PRKG1: variants seen among roughly 807,000 people sequenced by gnomAD.
The protein encoded by PRKG1 is cGMP-dependent protein kinase 1.
PRKG1 carries 35 observed loss-of-function variants against 88.1 expected under a neutral mutation model. The observed-to-expected ratio is 0.40, with a 90% CI of 0.30 to 0.53. PRKG1 has a LOEUF of 0.53. PRKG1 is among the 20% of genes least tolerant of loss of function. The pLI is 0.59. For missense variants in PRKG1, 540 were observed against 839.8 expected (o/e 0.64, Z 4.41); for synonymous variants, 303 against 292.5 (o/e 1.04, Z -0.37).
At chr10:51,122,777 G>A (rs1845293840) in intron 1 of PRKG1, among the ~76,000 whole-genome samples, 1 of 152,146 alleles carries the variant, frequency 6.6e-6, no homozygotes, top group African/African-American at 2.4e-5. Flanking sequence ...CATCAATAAT[G>A]TCATAAACCA....
intron 1 of PRKG1, among the ~76,000 whole-genome samples, chr10:51,000,203 C>A (rs1458979690): frequency 6.6e-6 from 1 of 152,116 alleles, no homozygotes; most frequent in Non-Finnish European, 1.5e-5. Flanking sequence ...AATCAAAATT[C>A]ATGAATAATT....
chr10:51,893,690 C>A (rs1335453066), intron 4 of PRKG1, among the ~76,000 whole-genome samples: 1 of 152,152 alleles, frequency 6.6e-6, no homozygotes, highest in East Asian at 1.9e-4. Flanking sequence ...TGAGTGCTTA[C>A]CCTACAGCAG....
At chr10:51,485,961 T>A (rs556049195) in intron 3 of PRKG1, among the ~76,000 whole-genome samples, 371 of 152,216 alleles carry the variant, frequency 2.4e-3, no homozygotes, top group Non-Finnish European at 4.6e-3. Flanking sequence ...GAACAAGAAG[T>A]CTCTTTTCAT....
chr10:51,331,407 C>T (rs977900193), intron 2 of PRKG1, among the ~76,000 whole-genome samples: 2 of 152,098 alleles, frequency 1.3e-5, no homozygotes, highest in African/African-American at 2.4e-5. Flanking sequence ...GAGGCTCAGT[C>T]TGTGAGTACC....
intron 3 of PRKG1, among the ~76,000 whole-genome samples, chr10:51,571,540 G>C (rs1007048520): frequency 2.7e-5 from 4 of 150,660 alleles, no homozygotes; most frequent in African/African-American, 9.8e-5. Context: ...TGTTTCATGA[G>C]GGGGTGAGGC....
intron 1 of PRKG1, among the ~76,000 whole-genome samples, chr10:51,039,617 C>T (rs1441014360): frequency 1.3e-5 from 2 of 151,724 alleles, no homozygotes; most frequent in Non-Finnish European, 2.9e-5. Flanking sequence ...TTAACGTGTC[C>T]ATTTTTGCTT....
At chr10:51,089,360 C>G (rs184290302) in intron 1 of PRKG1, among the ~76,000 whole-genome samples, 1 of 152,112 alleles carries the variant, frequency 6.6e-6, no homozygotes, top group Admixed American at 6.6e-5. Flanking sequence ...AGCCAGAACA[C>G]GTACTAAGAA....
chr10:51,067,664 C>T (rs1206080968), intron 1 of PRKG1, among the ~76,000 whole-genome samples: 2 of 151,988 alleles, frequency 1.3e-5, no homozygotes, highest in Non-Finnish European at 2.9e-5. Context: ...CATAATGACT[C>T]TCTACATTAA....
At chr10:51,382,846 G>A (rs16917287) in intron 2 of PRKG1, among the ~76,000 whole-genome samples, 2,202 of 152,194 alleles carry the variant, frequency 0.014, 51 homozygotes, top group African/African-American at 0.051. Context: ...AGCTGCCAGT[G>A]GGTCTAGGGT....
intron 3 of PRKG1, chr10:51,696,710 G>A (rs1841302617): frequency 6.6e-6 from 1 of 151,698 alleles, no homozygotes; most frequent in Non-Finnish European, 1.5e-5. Flanking sequence ...GTTAACTCCT[G>A]TCTGGTTGAG....
Position 52,053,119 on chromosome 10 carries a change from T to A in PRKG1, c.763-1365T>A, listed in dbSNP as rs544166770. ...ATAATTATTTGTATTCATGTGTGTG[T>A]GCAGGATGGGTTGGTGGTTGTTAAA... On this transcript the variant is annotated intron_variant, in intron 5 of 17. Transcript: ENST00000373980. 5.9e-5 allele frequency among the ~76,000 whole-genome samples: 9 copies of A among 152,294 alleles called. No individual in the cohort carries two copies. The South Asian group carries it at 1.9e-3, about 32-fold the overall frequency.
intron 2 of PRKG1, among the ~76,000 whole-genome samples, chr10:51,387,481 C>A (rs1462832627): frequency 6.6e-6 from 1 of 151,928 alleles, no homozygotes. Flanking sequence ...TCCTTGCAGT[C>A]CATCACACCT....
intron 3 of PRKG1, among the ~76,000 whole-genome samples, chr10:51,745,504 ATACAT>A (rs1325806796): frequency 6.6e-6 from 1 of 152,162 alleles, no homozygotes; most frequent in African/African-American, 2.4e-5. Context: ...GCATTTTTAG[ATACAT>A]TAAATTATCT....
chr10:51,840,608 G>A (rs189268652), intron 4 of PRKG1, among the ~76,000 whole-genome samples: 24 of 151,436 alleles, frequency 1.6e-4, no homozygotes, highest in Admixed American at 3.3e-4. Context: ...GTGCAGTGGC[G>A]CGACCTCAGC....
At chr10:51,857,864 C>G (rs988234860) in intron 4 of PRKG1, among the ~76,000 whole-genome samples, 2 of 150,912 alleles carry the variant, frequency 1.3e-5, no homozygotes, top group Non-Finnish European at 2.9e-5. Flanking sequence ...AAGCACTGTT[C>G]CCCCACCCTG....
At chr10:51,832,640 A>C (rs145981459) in intron 4 of PRKG1, among the ~76,000 whole-genome samples, 1 of 152,338 alleles carries the variant, frequency 6.6e-6, no homozygotes, top group East Asian at 1.9e-4. Context: ...GTGAATTAAC[A>C]GGAGAAAAAG....
At chr10:52,012,304 C>A (rs1294961873) in intron 5 of PRKG1, among the ~76,000 whole-genome samples, 2 of 149,642 alleles carry the variant, frequency 1.3e-5, no homozygotes, top group Non-Finnish European at 3.0e-5. Flanking sequence ...TAAAGTGGCA[C>A]AATCTCAGCT....
intron 3 of PRKG1, among the ~76,000 whole-genome samples, chr10:51,686,730 TTAC>T (rs1841001621): frequency 1.3e-5 from 2 of 152,176 alleles, no homozygotes; most frequent in Non-Finnish European, 2.9e-5. Context: ...CAATTTTTCT[TTAC>T]AACCTTTTTT....
intron 3 of PRKG1, among the ~76,000 whole-genome samples, chr10:51,633,403 T>C (rs1839575645): frequency 6.6e-6 from 1 of 151,986 alleles, no homozygotes; most frequent in Admixed American, 6.6e-5. Flanking sequence ...CGAGGGAAAA[T>C]ATAAAGCATT....
Sources: gnomAD v4.1 joint callset for allele counts (sites outside exome capture counted in the v4.1 genomes callset) on GRCh38, gnomAD v4.1.1 for gene constraint, MANE v1.5 for transcripts, NCBI Gene and HGNC (gene_info 2026-07-23, HGNC 2026-07-21) for gene names.